Variants in STON2 observed in about 807,000 individuals in gnomAD.
STON2 encodes the protein stonin 2.
STON2 carries 29 observed loss-of-function variants against 65.7 expected under a neutral mutation model. The observed-to-expected ratio is 0.44, with a 90% CI of 0.33 to 0.60. The LOEUF (loss-of-function observed/expected upper bound fraction) is 0.60. Ranked by LOEUF, STON2 falls within the 20% of genes least tolerant of loss-of-function variation. STON2 has a pLI of 0.03. For synonymous variants in STON2, 404 were observed against 414.2 expected (o/e 0.98, Z 0.30); for missense variants, 1,054 against 1,118.1 (o/e 0.94, Z 0.82).
upstream of STON2, among the ~76,000 whole-genome samples, chr14:81,402,765 G>A (rs1900669877): frequency 6.6e-6 from 1 of 152,134 alleles, no homozygotes; most frequent in Non-Finnish European, 1.5e-5. Context: ...CACGCAGACA[G>A]TTGCAAGTCT....
chr14:81,324,777 G>C (rs1896947779), intron 4 of STON2, among the ~76,000 whole-genome samples: 2 of 152,234 alleles, frequency 1.3e-5, no homozygotes, highest in African/African-American at 4.8e-5. Context: ...GAACTTATTT[G>C]ATAGCCTGAC....
intron 4 of STON2, among the ~76,000 whole-genome samples, chr14:81,333,530 A>C (rs1488978537): frequency 2.0e-5 from 3 of 152,200 alleles, no homozygotes; most frequent in African/African-American, 7.2e-5. Context: ...ACTGACTCAA[A>C]CGGCTAGTAA....
In STON2 at chr14:81,412,062, G is replaced by A. The variant is rs116325784; in HGVS notation, c.-198-13482C>T. ...AACAAATCCAGAAAAAACTTGACCT[G>A]GGAATAGAGTAGGCAAGAGGCATGA... is the stretch of plus-strand genomic sequence containing the variant. On this transcript the variant is annotated intron_variant, in intron 2 of 8. Coordinates refer to the STON2 transcript ENST00000553821. Among the ~76,000 whole-genome samples, 701 of 139,892 alleles carry A rather than the reference G, an allele frequency of 5.0e-3. 185 individuals carry two copies. The highest frequency in any genetic ancestry group is 0.02 in the African/African-American group (675 of 34,126). The allele number at this position is 139,892 out of a possible 152,430, so 91.8% of individuals were successfully genotyped here.
At chr14:81,337,999 C>A (rs760532260) in intron 4 of STON2, among the ~76,000 whole-genome samples, 1 of 152,242 alleles carries the variant, frequency 6.6e-6, no homozygotes, top group East Asian at 1.9e-4. Context: ...TTGGTTTCTA[C>A]CCCAGGTTCC....
chr14:81,265,400 A>G lies in STON2; in HGVS notation c.*3014T>C. The G allele has an allele frequency of 1.0e-6, 1 of 955,898 alleles. No individual in the cohort carries two copies. The highest frequency in any genetic ancestry group is 1.2e-6 in the Non-Finnish European group (1 of 803,242). 59.2% of individuals were successfully genotyped at this position (955,898 alleles called of 1,614,324 possible). The stretch of plus-strand genomic sequence containing the variant: ...TCCAGCATGGTGGCTCACGCCTGTA[A>G]TCCCAGAGCTTTGGGAGACTGAGGC... On this transcript the variant is annotated 3_prime_UTR_variant, in exon 8 of 8. Transcript: ENST00000614646.
intron 4 of STON2, among the ~76,000 whole-genome samples, chr14:81,336,289 G>A (rs906355464): frequency 2.6e-5 from 4 of 152,036 alleles, no homozygotes; most frequent in East Asian, 1.9e-4. Flanking sequence ...TCTGTGAAGC[G>A]GTTAGGTAGG....
intron 5 of STON2, among the ~76,000 whole-genome samples, chr14:81,290,339 G>T (rs1426228990): frequency 6.6e-6 from 1 of 152,182 alleles, no homozygotes; most frequent in Non-Finnish European, 1.5e-5. Flanking sequence ...TTAGTGATGA[G>T]AATTTCTGCT....
intron 4 of STON2, among the ~76,000 whole-genome samples, chr14:81,370,014 G>A (rs1898912971): frequency 6.6e-6 from 1 of 152,122 alleles, no homozygotes; most frequent in African/African-American, 2.4e-5. Flanking sequence ...GAAGACAAAG[G>A]GAGTCCATGA....
At chr14:81,289,434 A>G (rs930537809) in intron 5 of STON2, among the ~76,000 whole-genome samples, 4 of 152,164 alleles carry the variant, frequency 2.6e-5, no homozygotes, top group African/African-American at 4.8e-5. Context: ...GAAAAACTAT[A>G]GGGAAAGGAC....
intron 2 of STON2, among the ~76,000 whole-genome samples, chr14:81,406,550 T>G (rs1034472021): frequency 1.1e-3 from 160 of 152,348 alleles, no homozygotes; most frequent in African/African-American, 3.7e-3. Context: ...AAATAATTAC[T>G]GCTCAATAAT....
rs564021338 is a variant in STON2 at position 81,430,656 on chromosome 14, T to G, written c.-309-3444A>C. ...AGAATTTTGGTCAACTGTTTCTATC[T>G]TTGTTACTGCATTTCAGAAAGAGAG... On this transcript the variant is annotated intron_variant, in intron 1 of 8. Transcript: ENST00000553821. Among the ~76,000 whole-genome samples, 5 of 152,352 alleles carry G rather than the reference T, an allele frequency of 3.3e-5. No homozygotes were observed. The South Asian group carries it at 1.0e-3, about 32-fold the overall frequency.
intron 5 of STON2, among the ~76,000 whole-genome samples, chr14:81,288,113 TA>T (rs1895410199): frequency 1.3e-5 from 2 of 152,368 alleles, no homozygotes; most frequent in South Asian, 4.1e-4. Context: ...TGAAAAGAGT[TA>T]ACTAGTGATA....
chr14:81,315,475 A>G (rs553652606), intron 5 of STON2, among the ~76,000 whole-genome samples: 1 of 152,074 alleles, frequency 6.6e-6, no homozygotes, highest in African/African-American at 2.4e-5. Flanking sequence ...CCCCCCAGAC[A>G]ATGAAGTCGC....
chr14:81,287,369 G>A (rs1292192121), intron 5 of STON2, among the ~76,000 whole-genome samples: 1 of 152,182 alleles, frequency 6.6e-6, no homozygotes, highest in South Asian at 2.1e-4. Flanking sequence ...TTCGATGCTG[G>A]TAAATAAAGT....
chr14:81,264,089 G>C lies in STON2; in HGVS notation c.*4325C>G, dbSNP rs143587183. On this transcript the variant is annotated 3_prime_UTR_variant, in exon 8 of 8. Coordinates refer to ENST00000614646, the MANE Select transcript of STON2 (RefSeq NM_001394390.1). Reference sequence around the variant, plus strand: ...CCTACTGACCATTGAAATGGGCAAGGCTCAGGCTCATGGATCTGTTTGACT... The same window carrying C: ...CCTACTGACCATTGAAATGGGCAAGCCTCAGGCTCATGGATCTGTTTGACT... The C allele has an allele frequency of 3.0e-6, 3 of 985,412 alleles. No homozygotes were observed. Among genetic ancestry groups the C allele is most frequent in the African/African-American group, 3.5e-5 (2 of 57,346 alleles). 61.0% of individuals were successfully genotyped at this position (985,412 alleles called of 1,614,324 possible). A position where few individuals can be genotyped will look rare whatever the true frequency, so the allele number is the denominator to read the frequency against.
Position 81,264,890 on chromosome 14 carries a change from A to G in STON2, c.*3524T>C. 1.0e-6 allele frequency: 1 copy of G among 985,450 alleles called. No individual in the cohort carries two copies. Among genetic ancestry groups the G allele is most frequent in the Non-Finnish European group, 1.2e-6 (1 of 829,932 alleles). 61.0% of individuals were successfully genotyped at this position (985,450 alleles called of 1,614,324 possible). ...AGTGCCTCACATTGTCTTGTCTGAC[A>G]TGTCATGAGTACATTTCTTATCTTT... On this transcript the variant is annotated 3_prime_UTR_variant, in exon 8 of 8. Coordinates refer to ENST00000614646, the MANE Select transcript of STON2 (RefSeq NM_001394390.1).
chr14:81,276,851 C>T, intron 6 of STON2, 50 bp downstream of exon 6: 2 of 1,558,712 alleles, frequency 1.3e-6, no homozygotes, highest in African/African-American at 1.4e-5. Flanking sequence ...TTGATCTCAG[C>T]TTTTTCACAA....
chr14:81,270,290 G>C, intron 7 of STON2: 1 of 838,504 alleles, frequency 1.2e-6, no homozygotes, highest in Non-Finnish European at 1.5e-6. Flanking sequence ...TCGCCATGTT[G>C]GCCAGGCTGG....
intron 2 of STON2, among the ~76,000 whole-genome samples, chr14:81,426,455 A>C (rs1901978874): frequency 6.6e-6 from 1 of 152,082 alleles, no homozygotes; most frequent in Non-Finnish European, 1.5e-5. Flanking sequence ...TTTAGATTCC[A>C]TCTATAAGCT....
Sources: gnomAD v4.1 joint callset for allele counts (sites outside exome capture counted in the v4.1 genomes callset) on GRCh38, gnomAD v4.1.1 for gene constraint, MANE v1.5 for transcripts, NCBI Gene and HGNC (gene_info 2026-07-23, HGNC 2026-07-21) for gene names.